Variants in ASRGL1 observed in about 807,000 individuals in gnomAD.
ASRGL1 encodes the protein asparaginase and isoaspartyl peptidase 1, also known as isoaspartyl peptidase/L-asparaginase.
ASRGL1 carries 16 observed loss-of-function variants against 22.4 expected under a neutral mutation model. That is an observed-to-expected ratio of 0.71 (90% CI 0.48 to 1.08). The LOEUF (loss-of-function observed/expected upper bound fraction) is 1.08, where lower values mean the gene tolerates loss of function less well. ASRGL1 is among the 50% of genes least tolerant of loss of function. The pLI, the probability that ASRGL1 is intolerant of heterozygous loss-of-function variation, is 0.00. For synonymous variants in ASRGL1, 165 were observed against 159.3 expected, an observed-to-expected ratio of 1.04 and a Z score of -0.27; for missense variants, 412 against 410.1, an observed-to-expected ratio of 1.00 and a Z score of -0.04.
At chr11:62,400,116 C>G in the ASRGL1 span, among the ~76,000 whole-genome samples, 1 of 152,300 alleles carries the variant, frequency 6.6e-6, no homozygotes, top group East Asian at 1.9e-4. Flanking sequence ...GGCCGACTTT[C>G]AAGGCCCCAT....
At chr11:62,391,818 T>A (rs953086635) in intron 6 of ASRGL1, 186 bp downstream of exon 6, 2 of 778,692 alleles carry the variant, frequency 2.6e-6, no homozygotes, top group African/African-American at 1.8e-5. Flanking sequence ...GAGCATTGAG[T>A]ACTGTTATCT....
downstream of ASRGL1, among the ~76,000 whole-genome samples, chr11:62,394,368 A>G (rs1034398743): frequency 4.9e-5 from 7 of 143,500 alleles, no homozygotes; most frequent in African/African-American, 1.8e-4. Context: ...TGTAAATTAT[A>G]ATATTAGATT....
intron 4 of ASRGL1, among the ~76,000 whole-genome samples, chr11:62,369,886 C>T (rs1423537211): frequency 3.9e-5 from 6 of 152,106 alleles, no homozygotes; most frequent in Non-Finnish European, 8.8e-5. Context: ...GCTCATGAGC[C>T]TATCTTCCAT....
At chr11:62,355,622 CTTTTTTTT>C (rs56828559) in intron 2 of ASRGL1, among the ~76,000 whole-genome samples, 5 of 131,942 alleles carry the variant, frequency 3.8e-5, no homozygotes, top group African/African-American at 1.1e-4. Context: ...TTTCTAAATT[CTTTTTTTT>C]TTTTTTTTTC....
intron 4 of ASRGL1, among the ~76,000 whole-genome samples, chr11:62,368,595 G>A (rs1946678237): frequency 6.6e-6 from 1 of 152,096 alleles, no homozygotes; most frequent in African/African-American, 2.4e-5. Flanking sequence ...AAGAAAAGTG[G>A]GCCCAGGGGA....
At chr11:62,368,915 C>G (rs1049752832) in intron 4 of ASRGL1, among the ~76,000 whole-genome samples, 7 of 152,164 alleles carry the variant, frequency 4.6e-5, no homozygotes, top group Non-Finnish European at 8.8e-5. Flanking sequence ...AACATACAAT[C>G]GGGTTTTACA....
chr11:62,380,453 C>T (rs199771077), intron 4 of ASRGL1, among the ~76,000 whole-genome samples: 1 of 152,110 alleles, frequency 6.6e-6, no homozygotes, highest in East Asian at 1.9e-4. Context: ...ATAGCTCTAA[C>T]TTGCTCAATG....
downstream of ASRGL1, among the ~76,000 whole-genome samples, chr11:62,393,700 T>A (rs34168094): frequency 0.044 from 6,678 of 152,216 alleles, 184 homozygotes; most frequent in African/African-American, 0.076. Flanking sequence ...CAACTCCCCC[T>A]TTAGAAACAA....
chr11:62,394,028 TATATA>T (rs1947397821), downstream of ASRGL1, among the ~76,000 whole-genome samples: 2 of 144,370 alleles, frequency 1.4e-5, no homozygotes, highest in Non-Finnish European at 3.0e-5. Context: ...ATATATAAAT[TATATA>T]ATATATAAGT....
chr11:62,357,517 C>T (rs1946333611), intron 4 of ASRGL1, among the ~76,000 whole-genome samples: 1 of 151,258 alleles, frequency 6.6e-6, no homozygotes. Context: ...CTGCCTCGGC[C>T]TCCCAAAGTG....
At chr11:62,348,902 T>C (rs1302604355) in intron 2 of ASRGL1, among the ~76,000 whole-genome samples, 1 of 152,044 alleles carries the variant, frequency 6.6e-6, no homozygotes, top group Non-Finnish European at 1.5e-5. Flanking sequence ...TGGCAGTCTG[T>C]GTCTACACCT....
rs79486818 is a variant in ASRGL1 at position 62,358,710 on chromosome 11, A to G, written c.491+1566A>G. 5.2e-3 allele frequency among the ~76,000 whole-genome samples: 785 copies of G among 152,192 alleles called. 2 individuals are homozygous for G. The highest frequency in any genetic ancestry group is 0.015 in the African/African-American group (618 of 41,524). On this transcript the variant is annotated intron_variant, in intron 4 of 6. Coordinates refer to ENST00000415229, the MANE Select transcript of ASRGL1 (RefSeq NM_001083926.2). ...TGGCACAGCTTGACCAGTAACCCCA[A>G]TCATTGCTCTTGTGACTAACACCAC...
intron 2 of ASRGL1, among the ~76,000 whole-genome samples, chr11:62,340,522 A>C (rs1945838377): frequency 6.6e-6 from 1 of 152,142 alleles, no homozygotes; most frequent in African/African-American, 2.4e-5. Context: ...ACCATCTCTT[A>C]TTCTAACAAT....
intron 4 of ASRGL1, among the ~76,000 whole-genome samples, chr11:62,384,101 T>C (rs1207042434): frequency 1.3e-5 from 2 of 151,262 alleles, no homozygotes; most frequent in African/African-American, 2.4e-5. Context: ...GACCCTGGTA[T>C]GCACAATAAT....
At chr11:62,389,455 T>G (rs922613197) in intron 5 of ASRGL1, 1 of 653,764 alleles carries the variant, frequency 1.5e-6, no homozygotes, top group Admixed American at 2.1e-5. Context: ...CTGGCGCCAC[T>G]GTTTTTACTA....
At chr11:62,345,610 T>C (rs1386141751) in intron 2 of ASRGL1, among the ~76,000 whole-genome samples, 1 of 152,134 alleles carries the variant, frequency 6.6e-6, no homozygotes, top group East Asian at 1.9e-4. Context: ...GTCCCCTGGT[T>C]ATGCACACTT....
intron 4 of ASRGL1, chr11:62,371,583 G>A: frequency 1.5e-6 from 1 of 685,694 alleles, no homozygotes; most frequent in Non-Finnish European, 2.8e-6. Flanking sequence ...AAGGCCACAG[G>A]GACTTCCTCA....
chr11:62,391,823 T>C, intron 6 of ASRGL1, 191 bp downstream of exon 6: 1 of 774,466 alleles, frequency 1.3e-6, no homozygotes, highest in African/African-American at 1.8e-5. Context: ...TTGAGTACTG[T>C]TATCTTCCAC....
At chr11:62,338,323 A>G in intron 2 of ASRGL1, 156 bp downstream of exon 2, 1 of 855,936 alleles carries the variant, frequency 1.2e-6, no homozygotes, top group South Asian at 2.1e-5. Flanking sequence ...ACCTGTGCTG[A>G]AAAGAGTCAA....
Sources: allele counts gnomAD v4.1 joint callset (sites outside exome capture counted in the v4.1 genomes callset), GRCh38; gene constraint gnomAD v4.1.1; transcripts MANE v1.5; gene names NCBI Gene and HGNC (gene_info 2026-07-23, HGNC 2026-07-21).